DOCK2: variants seen among roughly 807,000 people sequenced by gnomAD.
DOCK2 encodes dedicator of cytokinesis 2.
DOCK2 carries 87 observed loss-of-function variants against 248.9 expected under a neutral mutation model. The observed-to-expected ratio is 0.35, with a 90% CI of 0.29 to 0.42. The LOEUF (loss-of-function observed/expected upper bound fraction) is 0.42. Ranked by LOEUF, DOCK2 falls within the 10% of genes least tolerant of loss-of-function variation. The probability of loss-of-function intolerance (pLI) is 1.00; values close to 1 mark genes in which losing one functional copy is unlikely to be tolerated. For synonymous variants in DOCK2, 805 were observed against 821.6 expected (o/e 0.98, Z 0.35); for missense variants, 1,747 against 2,300.2 (o/e 0.76, Z 4.92).
chr5:170,077,011 C>G (rs965527069), intron 47 of DOCK2, among the ~76,000 whole-genome samples: 8 of 152,178 alleles, frequency 5.3e-5, no homozygotes, highest in African/African-American at 1.9e-4. Context: ...TCCCACTACC[C>G]CATCAGGTTT....
intron 33 of DOCK2, among the ~76,000 whole-genome samples, chr5:170,020,858 C>G (rs966476308): frequency 6.6e-6 from 1 of 152,344 alleles, no homozygotes; most frequent in East Asian, 1.9e-4. Context: ...GGTTAAATAC[C>G]TTTGGAAATC....
At chr5:169,654,978 T>C (rs1263336048) in intron 2 of DOCK2, among the ~76,000 whole-genome samples, 1 of 152,216 alleles carries the variant, frequency 6.6e-6, no homozygotes, top group East Asian at 1.9e-4. Context: ...CATCTCTTTC[T>C]TTCTCCTACA....
intron 22 of DOCK2, among the ~76,000 whole-genome samples, chr5:169,746,186 A>T (rs1763600960): frequency 6.6e-6 from 1 of 152,112 alleles, no homozygotes; most frequent in Non-Finnish European, 1.5e-5. Flanking sequence ...AGTCAGGGGG[A>T]GGGTGGGGAG....
chr5:169,992,155 A>C (rs1429213334), intron 29 of DOCK2, among the ~76,000 whole-genome samples: 1 of 152,122 alleles, frequency 6.6e-6, no homozygotes, highest in Non-Finnish European at 1.5e-5. Context: ...AGTTACCTAA[A>C]CTCACGTCTC....
At chr5:169,798,978 G>T (rs911870790) in intron 25 of DOCK2, among the ~76,000 whole-genome samples, 1 of 152,184 alleles carries the variant, frequency 6.6e-6, no homozygotes, top group African/African-American at 2.4e-5. Context: ...AATTGACCAC[G>T]CTTGATTTGT....
chr5:169,982,476 T>C lies in DOCK2; in HGVS notation c.2800-592T>C, dbSNP rs1006203828. On this transcript the variant is annotated intron_variant, in intron 27 of 51. Transcript: ENST00000520908. ...TCTGGTACTTAGTTGGCTTTGCCAA[T>C]TGAGGGTCTTACTCTTTTTCTCTCA... 2.6e-5 allele frequency among the ~76,000 whole-genome samples: 4 copies of C among 152,234 alleles called. No homozygotes were observed. The South Asian group carries it at 6.2e-4, about 24-fold the overall frequency.
In DOCK2 at chr5:170,056,677, C is replaced by G. The variant is rs771606285; in HGVS notation, c.4296-7C>G. The G allele has an allele frequency of 1.2e-6, 2 of 1,613,854 alleles. No individual in the cohort carries two copies. The highest frequency in any genetic ancestry group is 2.7e-5 in the African/African-American group (2 of 74,914). ...ACCAGGAGCCTCAGCCTCTTCCTGT[C>G]TTTCAGCTTCTACAAATCCAACTAC... On this transcript the variant is annotated splice_region_variant and splice_polypyrimidine_tract_variant and intron_variant, in intron 42 of 51. Transcript: ENST00000520908.
chr5:170,072,769 A>C (rs1476714491), intron 46 of DOCK2, among the ~76,000 whole-genome samples: 1 of 152,204 alleles, frequency 6.6e-6, no homozygotes. Flanking sequence ...CTTCATGAGC[A>C]ATGATGTTCA....
In DOCK2 at chr5:170,055,389, A is replaced by T; in HGVS notation, c.4295+3A>T. 1.2e-6 allele frequency: 2 copies of T among 1,613,898 alleles called. No homozygotes were observed. Among genetic ancestry groups the T allele is most frequent in the Non-Finnish European group, 1.7e-6 (2 of 1,179,762 alleles). ...CCAGTGCCTGACCAGATTATAAAGT[A>T]AGACTCGTTGTCCACAGGGAAGAAG... On this transcript the variant is annotated splice_donor_region_variant and intron_variant, in intron 42 of 51. Transcript: ENST00000520908.
At chr5:169,731,563 G>A (rs879447233) in intron 22 of DOCK2, among the ~76,000 whole-genome samples, 10 of 152,054 alleles carry the variant, frequency 6.6e-5, no homozygotes, top group African/African-American at 1.5e-4. Context: ...TCAGCAACAC[G>A]AAAACGGACT....
At chr5:169,977,246 G>T (rs916640781) in intron 27 of DOCK2, among the ~76,000 whole-genome samples, 1 of 152,174 alleles carries the variant, frequency 6.6e-6, no homozygotes, top group Non-Finnish European at 1.5e-5. Context: ...TTAACCAAAA[G>T]CATGTTCAGC....
chr5:169,773,272 G>T (rs928769493), intron 25 of DOCK2: 1 of 151,984 alleles, frequency 6.6e-6, no homozygotes, highest in Non-Finnish European at 1.5e-5. Flanking sequence ...TGGGGGTGAG[G>T]GTGCACTGAA....
intron 9 of DOCK2, among the ~76,000 whole-genome samples, chr5:169,689,902 A>G (rs574975016): frequency 6.6e-6 from 1 of 152,292 alleles, no homozygotes; most frequent in South Asian, 2.1e-4. Context: ...GTTGAAATCG[A>G]TTGTTATTTG....
rs1216066748 is a variant in DOCK2 at position 170,008,683 on chromosome 5, C to T, written c.3174-5C>T. 3.1e-6 allele frequency: 5 copies of T among 1,614,008 alleles called. No homozygotes were observed. Among genetic ancestry groups the T allele is most frequent in the Admixed American group, 3.3e-5 (2 of 60,002 alleles). ...GCCTGAAGCAGAGGTTTTTGTTCCT[C>T]CTAGGTATGGGGACATGAGACGGCT... is the stretch of plus-strand genomic sequence containing the variant. On this transcript the variant is annotated splice_polypyrimidine_tract_variant and splice_region_variant and intron_variant, in intron 31 of 51. Transcript: ENST00000520908.
chr5:169,652,981 A>G (rs1005857432), intron 1 of DOCK2, among the ~76,000 whole-genome samples: 1 of 152,168 alleles, frequency 6.6e-6, no homozygotes, highest in African/African-American at 2.4e-5. Flanking sequence ...GAAGAGGTGT[A>G]CCTGTAGAGT....
chr5:170,055,464 C>CAG (rs1757093007), intron 42 of DOCK2, 78 bp downstream of exon 42: 1 of 1,327,244 alleles, frequency 7.5e-7, no homozygotes, highest in Non-Finnish European at 1.1e-6. Context: ...GGTGGCAGAA[C>CAG]AGACCCCAGT....
At chr5:169,783,882 G>GT (rs1299695885) in intron 25 of DOCK2, among the ~76,000 whole-genome samples, 17 of 152,128 alleles carry the variant, frequency 1.1e-4, no homozygotes, top group South Asian at 2.1e-4. Context: ...TGATGTATTT[G>GT]TTTTTTCCCC....
At chr5:169,739,476 C>G (rs759768302) in intron 22 of DOCK2, among the ~76,000 whole-genome samples, 1 of 150,212 alleles carries the variant, frequency 6.7e-6, no homozygotes, top group Non-Finnish European at 1.5e-5. Flanking sequence ...GTAGATCTCT[C>G]TTTTTAAAGT....
At chr5:169,675,442 A>G (rs888129258) in intron 6 of DOCK2, among the ~76,000 whole-genome samples, 1 of 152,242 alleles carries the variant, frequency 6.6e-6, no homozygotes, top group Non-Finnish European at 1.5e-5. Flanking sequence ...TAGAAATAAA[A>G]GTCCCTGTCC....
Sources: gnomAD v4.1 joint callset for allele counts (sites outside exome capture counted in the v4.1 genomes callset) on GRCh38, gnomAD v4.1.1 for gene constraint, MANE v1.5 for transcripts, NCBI Gene and HGNC (gene_info 2026-07-23, HGNC 2026-07-21) for gene names.